Variants in C11orf16 observed in about 807,000 individuals in gnomAD.
C11orf16 encodes the protein uncharacterized protein C11orf16.
C11orf16 carries 38 observed loss-of-function variants against 45.1 expected under a neutral mutation model. That is an observed-to-expected ratio of 0.84 (90% CI 0.65 to 1.10). The LOEUF (loss-of-function observed/expected upper bound fraction) is 1.10. C11orf16 is among the 50% of genes least tolerant of loss of function. The pLI, the probability that C11orf16 is intolerant of heterozygous loss-of-function variation, is 0.00. For missense variants in C11orf16, 583 were observed against 569.5 expected (o/e 1.02, Z -0.24); for synonymous variants, 221 against 222.0 (o/e 1.00, Z 0.04).
At chr11:8,920,732 G>A (rs1441155326) in intron 6 of C11orf16, among the ~76,000 whole-genome samples, 2 of 152,164 alleles carry the variant, frequency 1.3e-5, no homozygotes, top group Admixed American at 1.3e-4. Flanking sequence ...GGAGGCTCAG[G>A]TGGGCGGCTC....
chr11:8,922,481 C>T (rs2064581920), intron 5 of C11orf16, among the ~76,000 whole-genome samples: 1 of 152,224 alleles, frequency 6.6e-6, no homozygotes, highest in African/African-American at 2.4e-5. Context: ...TCTTTTAAAA[C>T]TACAGATTGA....
chr11:8,921,258 TC>T, intron 6 of C11orf16, 35 bp downstream of exon 6: 1 of 1,560,380 alleles, frequency 6.4e-7, no homozygotes, highest in Non-Finnish European at 8.8e-7. Flanking sequence ...ATGTGAGGAG[TC>T]CTTAGGAAGC....
At position 8,925,775 on chromosome 11, in the gene C11orf16, T is replaced by C. The variant is rs746686790; in HGVS notation, c.892A>G (p.Thr298Ala). The C allele has an allele frequency of 1.1e-5, 17 of 1,614,134 alleles. No individual in the cohort carries two copies. The Admixed American group carries it at 1.3e-4, about 13-fold the overall frequency. The stretch of plus-strand genomic sequence containing the variant: ...AGTTCTCTGGCCATGACTTCTGAGG[T>C]CCTGGTTAGAGGCCACCAAGTCGTG... ...CGTTWWPLTR[T>A]SEVMARELPE... Residue 298 changes from threonine to alanine, a missense_variant, in exon 5 of 7, where the codon ACC becomes GCC. Transcript: ENST00000326053.
chr11:8,924,529 AAACAACAACAAC>A (rs372748329), intron 5 of C11orf16, among the ~76,000 whole-genome samples: 2 of 151,370 alleles, frequency 1.3e-5, no homozygotes, highest in African/African-American at 2.4e-5. Flanking sequence ...CTTTGTCTCA[AAACAACAACAAC>A]AACAACAACA....
At chr11:8,927,233 C>G (rs2064620850) in intron 3 of C11orf16, 59 bp from the exon 4 acceptor site, 1 of 1,374,222 alleles carries the variant, frequency 7.3e-7, no homozygotes, top group Admixed American at 2.0e-5. Flanking sequence ...ATAGGGAGCA[C>G]CCAGGTTCCC....
chr11:8,924,113 C>A (rs1589932197), intron 5 of C11orf16, among the ~76,000 whole-genome samples: 1 of 152,112 alleles, frequency 6.6e-6, no homozygotes, highest in South Asian at 2.1e-4. Context: ...ACACTCCTCC[C>A]CACCCCTCCC....
intron 4 of C11orf16, among the ~76,000 whole-genome samples, chr11:8,926,346 C>A (rs1049686261): frequency 2.6e-5 from 4 of 151,836 alleles, no homozygotes; most frequent in Admixed American, 6.6e-5. Flanking sequence ...GCCTCTCCTA[C>A]CCACACAGGC....
rs761877331 is a variant in C11orf16 at position 8,925,692 on chromosome 11, T to G, written c.975A>C (p.Lys325Asn). Reference sequence around the variant, plus strand: ...CAGCCAGGGGAGCGTGCATTGCTACTTTCTCCTCTTTAGGACCTTCCAGGG... The same window carrying G: ...CAGCCAGGGGAGCGTGCATTGCTACGTTCTCCTCTTTAGGACCTTCCAGGG... ...LLPLEGPKEE[K>N]VAMHAPLAVS... is the part of the protein sequence containing the mutation. The change falls in exon 5 of 7, where the codon AAA becomes AAC. Residue 325 changes from lysine (K) to asparagine (N), a missense_variant. Physicochemically the swap from Lys to Asn is moderately conservative, Grantham distance 94. Transcript: ENST00000326053. 2 of 1,614,256 alleles carry G rather than the reference T, an allele frequency of 1.2e-6. No individual in the cohort carries two copies. Among genetic ancestry groups the G allele is most frequent in the Admixed American group, 1.7e-5 (1 of 60,032 alleles).
chr11:8,926,144 A>T, intron 4 of C11orf16, 37 bp from the exon 5 acceptor site: 5 of 1,432,646 alleles, frequency 3.5e-6, no homozygotes, highest in Non-Finnish European at 3.7e-6. Flanking sequence ...TGTTATAATT[A>T]CCAATTATCT....
In C11orf16 at chr11:8,927,168, TCTC is replaced by T; in HGVS notation, c.328_330del (p.Glu110del). On this transcript the variant is annotated inframe_deletion, in exon 4 of 7. Coordinates refer to ENST00000326053, the MANE Select transcript of C11orf16 (RefSeq NM_020643.3). ...AATTCCACAAGCAGGACCCCCTGTCTCTCCAGCTGTGGGAAAGAAAACACTCAG... is the reference window on the plus strand; with the variant it reads ...AATTCCACAAGCAGGACCCCCTGTCTCAGCTGTGGGAAAGAAAACACTCAG... 3 of 1,612,974 alleles carry T rather than the reference TCTC, an allele frequency of 1.9e-6. No individual in the cohort carries two copies. The highest frequency in any genetic ancestry group is 1.7e-4 in the Middle Eastern group (1 of 6,060).
intron 3 of C11orf16, among the ~76,000 whole-genome samples, chr11:8,928,036 C>T (rs1269250804): frequency 6.6e-6 from 1 of 152,066 alleles, no homozygotes; most frequent in East Asian, 1.9e-4. Context: ...GGTTCCCGAG[C>T]AGCTGGGACT....
rs1189395216 is a variant in C11orf16, at chr11:8,921,443, C to G, written c.1277G>C (p.Gly426Ala). 49 of 1,614,036 alleles carry G rather than the reference C, an allele frequency of 3.0e-5. No individual in the cohort carries two copies. Among genetic ancestry groups the G allele is most frequent in the Non-Finnish European group, 4.2e-5 (49 of 1,180,024 alleles). Residue 426 changes from glycine (G) to alanine (A), a missense_variant, in exon 6 of 7, where the codon GGG becomes GCG. Transcript: ENST00000326053. ...TTTCGAGACCAGCTCCTTGGTAGTC[C>G]CCACTACTGCAGTTTGTGCTCTCTG... ...KQQRAQTAVV[G>A]TTKELVSKAT...
intron 4 of C11orf16, 84 bp from the exon 5 acceptor site, chr11:8,926,191 T>C (rs1399897639): frequency 5.3e-5 from 65 of 1,229,950 alleles, no homozygotes; most frequent in Non-Finnish European, 6.3e-5. Context: ...TTTTCTTTTT[T>C]TTTTTTTTTT....
chr11:8,927,324 C>T, intron 3 of C11orf16, 150 bp from the exon 4 acceptor site: 1 of 639,982 alleles, frequency 1.6e-6, no homozygotes, highest in Non-Finnish European at 2.7e-6. Context: ...GCAGATGCTG[C>T]TTCAAGCCAG....
Position 8,925,638 on chromosome 11 carries a change from T to G in C11orf16, c.1029A>C (p.Glu343Asp), listed in dbSNP as rs536787283. 1.2e-6 allele frequency: 2 copies of G among 1,614,260 alleles called. No homozygotes were observed. Among genetic ancestry groups the G allele is most frequent in the Admixed American group, 1.7e-5 (1 of 60,036 alleles). The change falls in exon 5 of 7, where the codon GAA (glutamate) becomes GAC (aspartate). Residue 343 changes from glutamate (E) to aspartate (D), a missense_variant. Physicochemically the swap from Glu to Asp is conservative, Grantham distance 45 (BLOSUM62 2). Transcript: ENST00000326053. ...AVSSSSSSSC[E>D]QDGVENDLEM... ...CCAGATCATTCTCCACACCGTCTTG[T>G]TCACAGGAGGAGGATGAGGAGGAAG...
In C11orf16 at chr11:8,929,603, G is replaced by A. The variant is rs1472466007; in HGVS notation, c.168-70C>T. 19 of 1,402,280 alleles carry A rather than the reference G, an allele frequency of 1.4e-5. No individual in the cohort carries two copies. In the East Asian group the frequency reaches 2.2e-4, roughly 16 times the overall value. 86.9% of individuals were successfully genotyped at this position (1,402,280 alleles called of 1,614,324 possible). A position where few individuals can be genotyped will look rare whatever the true frequency, so the allele number is the denominator to read the frequency against. ...CTAAACACATCAAGAAACACGTTTCGCAGGTACATCTGAGGTACACCACAG... is the reference window on the plus strand; with the variant it reads ...CTAAACACATCAAGAAACACGTTTCACAGGTACATCTGAGGTACACCACAG... On this transcript the variant is annotated intron_variant, in intron 2 of 6. Coordinates refer to ENST00000326053, the MANE Select transcript of C11orf16 (RefSeq NM_020643.3).
chr11:8,927,701 A>G (rs1178869758), intron 3 of C11orf16: 1 of 455,604 alleles, frequency 2.2e-6, no homozygotes, highest in Non-Finnish European at 4.4e-6. Flanking sequence ...CAACGAGGAA[A>G]GGGTTAGCTA....
chr11:8,921,427 C>G lies in C11orf16; in HGVS notation c.1293G>C (p.Leu431=). The change falls in exon 6 of 7, where the codon CTG becomes CTC. Residue 431 remains leucine (L), a synonymous_variant. Coordinates refer to ENST00000326053, the MANE Select transcript of C11orf16 (RefSeq NM_020643.3). ...GCTTCATGTGGGTTGCTTTCGAGAC[C>G]AGCTCCTTGGTAGTCCCCACTACTG... ...QTAVVGTTKE[L]VSKATHMKPP... 2.5e-6 allele frequency: 4 copies of G among 1,614,212 alleles called. No homozygotes were observed. Among genetic ancestry groups the G allele is most frequent in the Admixed American group, 3.3e-5 (2 of 60,028 alleles).
At position 8,927,066 on chromosome 11, in the gene C11orf16, G is replaced by GA. The variant is rs774569188; in HGVS notation, c.432dup (p.Leu145SerfsTer14). The GA allele has an allele frequency of 1.4e-5, 22 of 1,614,056 alleles. No homozygotes were observed. In the Admixed American group the frequency reaches 3.5e-4, roughly 26 times the overall value. On this transcript the variant is annotated frameshift_variant, in exon 4 of 7. Transcript: ENST00000326053. LOFTEE classifies it high-confidence loss of function. ...AGTGAGTATCCTACAGATGGTGAGA[G>GA]AGGAATGACATCCTCTTCTAAGACC...
Sources: allele counts gnomAD v4.1 joint callset (sites outside exome capture counted in the v4.1 genomes callset), GRCh38; gene constraint gnomAD v4.1.1; transcripts MANE v1.5; gene names NCBI Gene and HGNC (gene_info 2026-07-23, HGNC 2026-07-21).